The following SORCS2 variants were observed in gnomAD, a reference collection of about 807,000 sequenced individuals.
SORCS2 encodes the protein VPS10 domain-containing receptor SorCS2.
In SORCS2, 100 loss-of-function variants were observed where a neutral mutation model predicts 141.6. The observed-to-expected ratio is 0.71, with a 90% confidence interval of 0.60 to 0.83. The LOEUF (loss-of-function observed/expected upper bound fraction) is 0.83, where lower values mean the gene tolerates loss of function less well. Ranked by LOEUF, SORCS2 falls within the 40% of genes least tolerant of loss-of-function variation. SORCS2 has a pLI of 0.00. For synonymous variants in SORCS2, 789 were observed against 676.9 expected (o/e 1.17, Z -2.57); for missense variants, 1,646 against 1,560.2 (o/e 1.05, Z -0.93).
intron 4 of SORCS2, 76 bp downstream of exon 4, chr4:7,638,568 T>G: frequency 1.4e-6 from 2 of 1,467,926 alleles, no homozygotes; most frequent in Non-Finnish European, 1.8e-6. Flanking sequence ...GAGTGCCCAC[T>G]TGGAGCAAGT....
At chr4:7,358,256 G>T (rs1721381468) in intron 1 of SORCS2, among the ~76,000 whole-genome samples, 1 of 152,204 alleles carries the variant, frequency 6.6e-6, no homozygotes, top group Admixed American at 6.5e-5. Flanking sequence ...CCATTTGCGG[G>T]GCACCTGCTG....
intron 3 of SORCS2, among the ~76,000 whole-genome samples, chr4:7,544,388 T>C (rs1339127335): frequency 6.6e-6 from 1 of 152,196 alleles, no homozygotes; most frequent in Non-Finnish European, 1.5e-5. Context: ...AAGGGGATGC[T>C]GTTCCCTGAG....
In SORCS2 at chr4:7,433,903, G is replaced by C; in HGVS notation, c.548+37548G>C. On this transcript the variant is annotated intron_variant, in intron 2 of 26. Coordinates refer to ENST00000507866, the MANE Select transcript of SORCS2 (RefSeq NM_020777.3). ...CTTCGTGATAGAGGCAGGCATTACC[G>C]AGCACACGCGCTCCAGGGCATGGGT... 3.7e-6 allele frequency: 6 copies of C among 1,613,808 alleles called. No homozygotes were observed. In the South Asian group the frequency reaches 6.6e-5, roughly 18 times the overall value.
At position 7,655,008 on chromosome 4, in the gene SORCS2, G is replaced by A. The variant is rs562985525; in HGVS notation, c.887+801G>A. The stretch of plus-strand genomic sequence containing the variant: ...AGAAATGTCTGTGGGATGCATCTAT[G>A]AGGGCTGTGGAGGATGAGGGCTTGC... On this transcript the variant is annotated intron_variant, in intron 5 of 26. Coordinates refer to ENST00000507866, the MANE Select transcript of SORCS2 (RefSeq NM_020777.3). Among the ~76,000 whole-genome samples the A allele has an allele frequency of 4.6e-5, 7 of 152,308 alleles. No homozygotes were observed. The South Asian group carries it at 6.2e-4, about 14-fold the overall frequency.
At chr4:7,248,910 G>C (rs1041049107) in intron 1 of SORCS2, among the ~76,000 whole-genome samples, 2 of 152,174 alleles carry the variant, frequency 1.3e-5, no homozygotes, top group East Asian at 1.9e-4. Flanking sequence ...TGTAGGGATG[G>C]GGACTTGATG....
At chr4:7,464,736 A>T (rs577131626) in intron 2 of SORCS2, among the ~76,000 whole-genome samples, 1 of 152,284 alleles carries the variant, frequency 6.6e-6, no homozygotes, top group Non-Finnish European at 1.5e-5. Flanking sequence ...CAGAAAGCTC[A>T]CCTTGAATTT....
intron 2 of SORCS2, among the ~76,000 whole-genome samples, chr4:7,455,373 AGCTGTGTGTTGGGGTCAGGT>A (rs1728825807): frequency 1.7e-5 from 1 of 58,784 alleles, no homozygotes; most frequent in Non-Finnish European, 3.1e-5. Flanking sequence ...TGGGGTCAGG[AGCTGTGTGTTGGGGTCAGGT>A]GCTGTGTTGG....
At chr4:7,728,645 C>T (rs536530198) in intron 22 of SORCS2, among the ~76,000 whole-genome samples, 183 bp downstream of exon 22, 1 of 152,314 alleles carries the variant, frequency 6.6e-6, no homozygotes, top group African/African-American at 2.4e-5. Context: ...GCACACTGCC[C>T]TTATTTAGGA....
At chr4:7,601,440 T>G (rs1243878198) in intron 3 of SORCS2, among the ~76,000 whole-genome samples, 1 of 151,956 alleles carries the variant, frequency 6.6e-6, no homozygotes, top group African/African-American at 2.4e-5. Context: ...AGGGTCATTA[T>G]TATACTCTCT....
intron 2 of SORCS2, among the ~76,000 whole-genome samples, chr4:7,518,851 G>A (rs948593159): frequency 6.6e-6 from 1 of 151,712 alleles, no homozygotes; most frequent in Non-Finnish European, 1.5e-5. Flanking sequence ...AATTAACCCA[G>A]AAGTCGCGGG....
At position 7,585,576 on chromosome 4, in the gene SORCS2, G is replaced by A. The variant is rs78939947; in HGVS notation, c.649-52752G>A. On this transcript the variant is annotated intron_variant, in intron 3 of 26. Transcript: ENST00000507866. ...CTCTCGTCTACCACTTCAAGGTATT[G>A]TAGAAACAACTTATAGACTAGTCAC... Among the ~76,000 whole-genome samples, 1,389 of 152,292 alleles carry A rather than the reference G, an allele frequency of 9.1e-3. 27 individuals carry two copies. The highest frequency in any genetic ancestry group is 0.032 in the African/African-American group (1,328 of 41,544).
At chr4:7,570,794 C>T (rs2109709984) in intron 3 of SORCS2, among the ~76,000 whole-genome samples, 1 of 152,274 alleles carries the variant, frequency 6.6e-6, no homozygotes, top group Admixed American at 6.5e-5. Flanking sequence ...TAATCAGTGC[C>T]CGAAGCCAGG....
At chr4:7,558,606 C>T (rs1453714778) in intron 3 of SORCS2, among the ~76,000 whole-genome samples, 4 of 152,086 alleles carry the variant, frequency 2.6e-5, no homozygotes, top group Non-Finnish European at 5.9e-5. Context: ...TCAGTTCATT[C>T]CCACGCACAT....
intron 1 of SORCS2, among the ~76,000 whole-genome samples, chr4:7,370,286 T>C (rs1031791766): frequency 1.3e-5 from 2 of 152,194 alleles, no homozygotes; most frequent in African/African-American, 2.4e-5. Flanking sequence ...TGCTCAGGAC[T>C]TTCCTTCTGT....
intron 3 of SORCS2, among the ~76,000 whole-genome samples, chr4:7,581,069 C>T (rs554116768): frequency 1.3e-5 from 2 of 149,226 alleles, no homozygotes; most frequent in Non-Finnish European, 3.0e-5. Context: ...GTGGTTTGCC[C>T]AAGATTATGA....
chr4:7,647,151 G>T (rs190399316), intron 4 of SORCS2, among the ~76,000 whole-genome samples: 1 of 152,310 alleles, frequency 6.6e-6, no homozygotes, highest in East Asian at 1.9e-4. Flanking sequence ...GCCTGGAGGT[G>T]AGAGAGCAAA....
At chr4:7,499,080 T>A (rs62280181) in intron 2 of SORCS2, among the ~76,000 whole-genome samples, 1 of 151,668 alleles carries the variant, frequency 6.6e-6, no homozygotes, top group Non-Finnish European at 1.5e-5. Context: ...TATGTGGGAG[T>A]GTGTGTCTGT....
intron 1 of SORCS2, among the ~76,000 whole-genome samples, chr4:7,369,366 C>G (rs960610238): frequency 6.6e-6 from 1 of 152,130 alleles, no homozygotes; most frequent in Non-Finnish European, 1.5e-5. Context: ...ATTGCTCAGT[C>G]TCGGGTATGT....
intron 7 of SORCS2, among the ~76,000 whole-genome samples, chr4:7,666,884 A>G (rs1722536517): frequency 6.6e-6 from 1 of 152,094 alleles, no homozygotes; most frequent in African/African-American, 2.4e-5. Context: ...AGGTGCTGAG[A>G]GAGCATAGGG....
Sources: allele counts gnomAD v4.1 joint callset (sites outside exome capture counted in the v4.1 genomes callset), GRCh38; gene constraint gnomAD v4.1.1; transcripts MANE v1.5; gene names NCBI Gene and HGNC (gene_info 2026-07-23, HGNC 2026-07-21).